PCDH9: variants seen among roughly 807,000 people sequenced by gnomAD.
PCDH9 encodes the protein protocadherin 9, also known as protocadherin-9.
Under a neutral mutation model 70.6 loss-of-function variants are expected in PCDH9, and 24 were observed. That is an observed-to-expected ratio of 0.34 (90% CI 0.25 to 0.48). PCDH9 has a LOEUF of 0.48. Among genes scored for constraint, PCDH9 ranks in the 20% least tolerant of loss-of-function variants. The probability of loss-of-function intolerance (pLI) is 0.99; values close to 1 mark genes in which losing one functional copy is unlikely to be tolerated. For synonymous variants in PCDH9, 562 were observed against 558.5 expected, an observed-to-expected ratio of 1.01 and a Z score of -0.09; for missense variants, 1,281 against 1,503.6, an observed-to-expected ratio of 0.85 and a Z score of 2.45.
At chr13:66,445,132 A>G (rs1175697957) in intron 4 of PCDH9, among the ~76,000 whole-genome samples, 1 of 147,208 alleles carries the variant, frequency 6.8e-6, no homozygotes, top group Non-Finnish European at 1.5e-5. Context: ...TGTATTATAT[A>G]AAATATATTA....
intron 3 of PCDH9, among the ~76,000 whole-genome samples, chr13:66,870,063 A>G (rs1034571547): frequency 6.6e-6 from 1 of 152,236 alleles, no homozygotes; most frequent in Non-Finnish European, 1.5e-5. Context: ...TAGGTCTAAC[A>G]TTTAAGTCTT....
intron 4 of PCDH9, among the ~76,000 whole-genome samples, chr13:66,334,209 GCCTCTGGTAA>G (rs1315613977): frequency 2.0e-5 from 3 of 151,872 alleles, no homozygotes; most frequent in Non-Finnish European, 4.4e-5. Flanking sequence ...ACCCTTCCCA[GCCTCTGGTAA>G]CCACCATTCT....
intron 4 of PCDH9, among the ~76,000 whole-genome samples, chr13:66,559,574 G>A (rs1961904121): frequency 6.6e-6 from 1 of 151,936 alleles, no homozygotes; most frequent in Non-Finnish European, 1.5e-5. Flanking sequence ...GCTGAGGTGG[G>A]TGGATCATGA....
chr13:66,305,113 T>C (rs1955441917), intron 4 of PCDH9, 85 bp from the exon 5 acceptor site: 1 of 1,168,258 alleles, frequency 8.6e-7, no homozygotes, highest in Non-Finnish European at 1.2e-6. Flanking sequence ...AGTATGTTAT[T>C]AGTGATCTTA....
chr13:66,921,591 T>TA (rs1566294259), intron 2 of PCDH9, among the ~76,000 whole-genome samples: 1 of 151,330 alleles, frequency 6.6e-6, no homozygotes, highest in East Asian at 1.9e-4. Context: ...CACACACACA[T>TA]ATGTCATGAA....
At chr13:66,650,785 A>G (rs2077840163) in intron 3 of PCDH9, among the ~76,000 whole-genome samples, 1 of 152,016 alleles carries the variant, frequency 6.6e-6, no homozygotes, top group African/African-American at 2.4e-5. Flanking sequence ...ATATCAGGCC[A>G]CAAGACAAGT....
intron 2 of PCDH9, among the ~76,000 whole-genome samples, chr13:67,081,324 T>C (rs2085978601): frequency 6.6e-6 from 1 of 152,212 alleles, no homozygotes; most frequent in South Asian, 2.1e-4. Flanking sequence ...ATCCCAGCAC[T>C]TTGTGAGGCC....
chr13:66,698,387 A>C (rs1402934704), intron 3 of PCDH9, among the ~76,000 whole-genome samples: 1 of 152,196 alleles, frequency 6.6e-6, no homozygotes, highest in East Asian at 1.9e-4. Flanking sequence ...CTGCTCTAAA[A>C]TATGGTTTGA....
At chr13:66,449,413 T>G (rs1327810658) in intron 4 of PCDH9, among the ~76,000 whole-genome samples, 3 of 152,216 alleles carry the variant, frequency 2.0e-5, no homozygotes, top group African/African-American at 7.2e-5. Flanking sequence ...CTGTATTTAG[T>G]TAAGAATATG....
chr13:67,051,920 T>C (rs1050828404), intron 2 of PCDH9, among the ~76,000 whole-genome samples: 4 of 152,190 alleles, frequency 2.6e-5, no homozygotes, highest in Non-Finnish European at 5.9e-5. Flanking sequence ...CCACAATTTA[T>C]GCTATGTTTT....
chr13:66,379,709 G>A (rs573061389), intron 4 of PCDH9, among the ~76,000 whole-genome samples: 11 of 152,104 alleles, frequency 7.2e-5, no homozygotes, highest in African/African-American at 2.4e-4. Flanking sequence ...GTCAGAACTC[G>A]GCATAGTATC....
intron 4 of PCDH9, among the ~76,000 whole-genome samples, chr13:66,579,183 T>C (rs9540826): frequency 0.43 from 65,073 of 151,836 alleles, 14,176 homozygotes; most frequent in Middle Eastern, 0.57. Flanking sequence ...AAATAAGAAA[T>C]TCTTTCTCCT....
intron 4 of PCDH9, among the ~76,000 whole-genome samples, chr13:66,315,303 C>T (rs186644784): frequency 9.0e-4 from 137 of 152,270 alleles, no homozygotes; most frequent in African/African-American, 3.0e-3. Flanking sequence ...GTCAAGCCCA[C>T]CTAGGTTCAT....
At chr13:66,439,736 G>A (rs1046259074) in intron 4 of PCDH9, among the ~76,000 whole-genome samples, 10 of 151,950 alleles carry the variant, frequency 6.6e-5, no homozygotes, top group South Asian at 2.1e-4. Flanking sequence ...TAGGCTTCAC[G>A]GTATGTATAA....
At chr13:66,708,014 T>C (rs945756712) in intron 3 of PCDH9, among the ~76,000 whole-genome samples, 3 of 152,184 alleles carry the variant, frequency 2.0e-5, no homozygotes, top group Non-Finnish European at 4.4e-5. Context: ...AATCTTTAAA[T>C]TGAACACAGA....
intron 2 of PCDH9, among the ~76,000 whole-genome samples, chr13:67,009,898 T>C (rs1215189365): frequency 6.6e-6 from 1 of 152,020 alleles, no homozygotes; most frequent in Non-Finnish European, 1.5e-5. Context: ...GGAATTTTTA[T>C]ATTTAATAAA....
chr13:66,932,681 T>TATATACACACACAC (rs1313632174), intron 2 of PCDH9, among the ~76,000 whole-genome samples: 1 of 114,822 alleles, frequency 8.7e-6, no homozygotes, highest in African/African-American at 3.4e-5. Flanking sequence ...TATATATATA[T>TATATACACACACAC]ACACACACAC....
intron 3 of PCDH9, among the ~76,000 whole-genome samples, chr13:66,779,837 CTCTCTCTCTCTCTA>C (rs1264360300): frequency 4.1e-5 from 1 of 24,208 alleles, no homozygotes; most frequent in Non-Finnish European, 1.0e-4. Flanking sequence ...CTCTCTCTCT[CTCTCTCTCTCTCTA>C]TATATATATA....
chr13:67,023,931 T>C (rs1051987545), intron 2 of PCDH9, among the ~76,000 whole-genome samples: 1 of 151,790 alleles, frequency 6.6e-6, no homozygotes, highest in Non-Finnish European at 1.5e-5. Context: ...TTAAAGATGT[T>C]CCATATTATA....
Sources: allele counts gnomAD v4.1 joint callset (sites outside exome capture counted in the v4.1 genomes callset), GRCh38; gene constraint gnomAD v4.1.1; transcripts MANE v1.5; gene names NCBI Gene and HGNC (gene_info 2026-07-23, HGNC 2026-07-21).